The following THSD4 variants were observed in gnomAD, a reference collection of about 807,000 sequenced individuals.
THSD4 encodes the protein thrombospondin type-1 domain-containing protein 4.
In THSD4, 69 loss-of-function variants were observed where a neutral mutation model predicts 119.0. The ratio of observed to expected loss-of-function variants is 0.58; its 90% CI spans 0.48 to 0.71. THSD4 has a LOEUF of 0.71. Ranked by LOEUF, THSD4 falls within the 30% of genes least tolerant of loss-of-function variation. The pLI is 0.00. For synonymous variants in THSD4, 524 were observed against 540.4 expected, an observed-to-expected ratio of 0.97 and a Z score of 0.42; for missense variants, 1,393 against 1,391.1, an observed-to-expected ratio of 1.00 and a Z score of -0.02.
chr15:71,205,885 T>C (rs2043839916), intron 3 of THSD4, among the ~76,000 whole-genome samples: 1 of 151,560 alleles, frequency 6.6e-6, no homozygotes, highest in African/African-American at 2.4e-5. Flanking sequence ...TTTTTTTTTT[T>C]TGAGATGGAA....
chr15:71,636,715 G>A lies in THSD4; in HGVS notation c.1153-23815G>A, dbSNP rs561449951. On this transcript the variant is annotated intron_variant, in intron 7 of 17. Coordinates refer to ENST00000261862, the MANE Select transcript of THSD4 (RefSeq NM_024817.3). ...TGCCCAGTTCTTCCCAGCAGTGCCT[G>A]CAGCTGTGCCTTTGACAATCCTGAC... Among the ~76,000 whole-genome samples the A allele has an allele frequency of 8.5e-5, 13 of 152,056 alleles. No individual in the cohort carries two copies. The South Asian group carries it at 2.5e-3, about 29-fold the overall frequency.
chr15:71,571,579 G>A (rs530931676), intron 7 of THSD4, among the ~76,000 whole-genome samples: 77 of 152,204 alleles, frequency 5.1e-4, no homozygotes, highest in Admixed American at 4.4e-3. Flanking sequence ...TATGCTTTTC[G>A]AAAAATGCCT....
At chr15:71,333,270 T>C (rs545760589) in intron 6 of THSD4, among the ~76,000 whole-genome samples, 7 of 152,194 alleles carry the variant, frequency 4.6e-5, no homozygotes, top group African/African-American at 1.7e-4. Context: ...GGGAGGGGCA[T>C]TCTGAGTTTT....
intron 7 of THSD4, among the ~76,000 whole-genome samples, chr15:71,413,563 G>A (rs1469498359): frequency 6.6e-6 from 1 of 152,078 alleles, no homozygotes; most frequent in Admixed American, 6.6e-5. Context: ...ATTTGTCTTT[G>A]TATGCCTGGC....
chr15:71,694,455 T>G (rs2141057935), intron 8 of THSD4, among the ~76,000 whole-genome samples: 1 of 152,342 alleles, frequency 6.6e-6, no homozygotes, highest in Admixed American at 6.5e-5. Context: ...TTGCAAGGAT[T>G]ATACATTTTC....
At chr15:71,710,433 A>C (rs1213551018) in intron 8 of THSD4, among the ~76,000 whole-genome samples, 1 of 152,222 alleles carries the variant, frequency 6.6e-6, no homozygotes. Context: ...CAAATCCCAA[A>C]TGGAGGAGGG....
intron 8 of THSD4, among the ~76,000 whole-genome samples, chr15:71,663,491 T>G (rs1266544647): frequency 2.0e-5 from 3 of 152,214 alleles, no homozygotes; most frequent in Non-Finnish European, 4.4e-5. Context: ...CTGGGGTGCT[T>G]TGTGTATTCT....
chr15:71,578,474 G>A (rs1252970203), intron 7 of THSD4, among the ~76,000 whole-genome samples: 1 of 152,016 alleles, frequency 6.6e-6, no homozygotes, highest in African/African-American at 2.4e-5. Context: ...TTTGTATAAT[G>A]TAATCCATAA....
intron 7 of THSD4, among the ~76,000 whole-genome samples, chr15:71,578,485 A>T (rs995716014): frequency 6.6e-6 from 1 of 152,090 alleles, no homozygotes; most frequent in African/African-American, 2.4e-5. Flanking sequence ...TAATCCATAA[A>T]CATGCTTTGT....
At chr15:71,112,301 C>T, upstream of THSD4, 1 of 1,435,016 alleles carries the variant, frequency 7.0e-7, no homozygotes, top group Non-Finnish European at 9.3e-7. Flanking sequence ...TTAACTAGGA[C>T]AAGAGAATGA....
chr15:71,755,409 C>G (rs2053520371), intron 14 of THSD4, among the ~76,000 whole-genome samples: 1 of 152,096 alleles, frequency 6.6e-6, no homozygotes, highest in Admixed American at 6.5e-5. Flanking sequence ...TTTCCCTTTT[C>G]TCAATTTTTA....
intron 7 of THSD4, among the ~76,000 whole-genome samples, chr15:71,491,174 A>T (rs748122169): frequency 2.0e-5 from 3 of 152,220 alleles, no homozygotes; most frequent in Non-Finnish European, 4.4e-5. Context: ...ATGTGAAAAC[A>T]TGCCCTTTTC....
intron 8 of THSD4, among the ~76,000 whole-genome samples, chr15:71,671,011 T>A (rs989913140): frequency 2.0e-5 from 3 of 152,234 alleles, no homozygotes; most frequent in African/African-American, 7.2e-5. Context: ...TTTGGGTATA[T>A]ACCCAGTAAT....
At chr15:71,611,495 A>G (rs1384407422) in intron 7 of THSD4, among the ~76,000 whole-genome samples, 3 of 152,222 alleles carry the variant, frequency 2.0e-5, no homozygotes, top group African/African-American at 7.2e-5. Flanking sequence ...TGAAAACGCT[A>G]CAGTGCTTCT....
intron 6 of THSD4, among the ~76,000 whole-genome samples, chr15:71,280,862 G>T (rs189795448): frequency 6.6e-6 from 1 of 152,326 alleles, no homozygotes. Context: ...ATTACTGAAG[G>T]CTGTGAAATC....
At chr15:71,461,244 A>C (rs2047424885) in intron 7 of THSD4, among the ~76,000 whole-genome samples, 2 of 152,304 alleles carry the variant, frequency 1.3e-5, no homozygotes, top group South Asian at 2.1e-4. Context: ...GAGGCCTCAG[A>C]TCCCTGCCAC....
chr15:71,338,819 G>A (rs994447585), intron 6 of THSD4, among the ~76,000 whole-genome samples: 11 of 152,120 alleles, frequency 7.2e-5, no homozygotes, highest in Non-Finnish European at 1.3e-4. Context: ...CAACCGAGTG[G>A]ACCTATGAAA....
At chr15:71,509,453 T>C (rs2048244906) in intron 7 of THSD4, among the ~76,000 whole-genome samples, 1 of 152,232 alleles carries the variant, frequency 6.6e-6, no homozygotes, top group Non-Finnish European at 1.5e-5. Flanking sequence ...CCATGATAGA[T>C]TAACTCATTA....
At chr15:71,728,420 A>G in intron 8 of THSD4, 129 bp from the exon 9 acceptor site, 1 of 1,153,460 alleles carries the variant, frequency 8.7e-7, no homozygotes. Context: ...GGCCTGGATC[A>G]TTGCCTGGCA....
Sources: gnomAD v4.1 joint callset for allele counts (sites outside exome capture counted in the v4.1 genomes callset) on GRCh38, gnomAD v4.1.1 for gene constraint, MANE v1.5 for transcripts, NCBI Gene and HGNC (gene_info 2026-07-23, HGNC 2026-07-21) for gene names.